Variants in LOC128706666 observed in about 807,000 individuals in gnomAD.
the LOC128706666 span, chr20:10,431,579 A>G: frequency 6.6e-6 from 1 of 151,312 alleles, no homozygotes; most frequent in Non-Finnish European, 1.5e-5. Context: ...AACCCGCACA[A>G]AAAACTGCAT....
the LOC128706666 span, among the ~76,000 whole-genome samples, chr20:10,433,217 G>C: frequency 6.6e-6 from 1 of 152,222 alleles, no homozygotes; most frequent in East Asian, 1.9e-4. Context: ...CGTTGGCCTG[G>C]CTGGCCCCAA....
the LOC128706666 span, among the ~76,000 whole-genome samples, chr20:10,417,700 A>G: frequency 1.1e-4 from 17 of 152,306 alleles, 1 homozygote; most frequent in African/African-American, 4.1e-4. Flanking sequence ...TCATCATCAA[A>G]AGTGGATCAG....
chr20:10,427,029 G>GACACACACACAGTCACAC, the LOC128706666 span, among the ~76,000 whole-genome samples: 1 of 130,724 alleles, frequency 7.6e-6, no homozygotes, highest in Non-Finnish European at 1.6e-5. Context: ...AGAAAACACT[G>GACACACACACAGTCACAC]ACACACACAC....
the LOC128706666 span, among the ~76,000 whole-genome samples, chr20:10,419,920 A>G: frequency 6.6e-6 from 1 of 152,234 alleles, no homozygotes; most frequent in Admixed American, 6.5e-5. Context: ...CAGAAAGCCA[A>G]ACTGCGGATA....
At chr20:10,421,935 C>T in the LOC128706666 span, among the ~76,000 whole-genome samples, 24 of 152,180 alleles carry the variant, frequency 1.6e-4, no homozygotes, top group African/African-American at 5.5e-4. Context: ...ATGAGACATG[C>T]TATGAACTTG....
chr20:10,421,786 A>G, the LOC128706666 span, among the ~76,000 whole-genome samples: 200 of 151,412 alleles, frequency 1.3e-3, no homozygotes, highest in African/African-American at 4.6e-3. Context: ...AAATATATAT[A>G]TATATATTTT....
At chr20:10,426,673 C>G in the LOC128706666 span, among the ~76,000 whole-genome samples, 1 of 152,224 alleles carries the variant, frequency 6.6e-6, no homozygotes, top group Non-Finnish European at 1.5e-5. Flanking sequence ...GCTGGGATTA[C>G]AGGCATGAGC....
At chr20:10,428,391 A>G in the LOC128706666 span, among the ~76,000 whole-genome samples, 1 of 152,212 alleles carries the variant, frequency 6.6e-6, no homozygotes, top group African/African-American at 2.4e-5. Flanking sequence ...GAATCCCTAA[A>G]GAGCCCATTT....
At chr20:10,428,887 G>A in the LOC128706666 span, among the ~76,000 whole-genome samples, 4 of 152,070 alleles carry the variant, frequency 2.6e-5, no homozygotes, top group Non-Finnish European at 4.4e-5. Context: ...GCTGTCAGAA[G>A]AACTGGTATT....
At chr20:10,427,889 G>C in the LOC128706666 span, among the ~76,000 whole-genome samples, 3 of 152,146 alleles carry the variant, frequency 2.0e-5, no homozygotes, top group East Asian at 5.8e-4. Context: ...AACCATTCAA[G>C]GTCAGCTTGA....
the LOC128706666 span, chr20:10,413,993 T>C: frequency 2.5e-6 from 1 of 396,838 alleles, no homozygotes; most frequent in Middle Eastern, 6.4e-4. Flanking sequence ...TAGACTGCAG[T>C]TTAATAATTT....
chr20:10,431,146 C>T, the LOC128706666 span, among the ~76,000 whole-genome samples: 2 of 152,088 alleles, frequency 1.3e-5, no homozygotes, highest in Non-Finnish European at 2.9e-5. Context: ...AGTATATTAT[C>T]TTATACGAAT....
At chr20:10,424,226 T>C in the LOC128706666 span, among the ~76,000 whole-genome samples, 13 of 151,986 alleles carry the variant, frequency 8.6e-5, no homozygotes, top group African/African-American at 3.1e-4. Context: ...AGACCTCATC[T>C]CTATTTTAAA....
chr20:10,415,221 C>T, the LOC128706666 span, among the ~76,000 whole-genome samples: 4 of 152,024 alleles, frequency 2.6e-5, no homozygotes, highest in East Asian at 1.9e-4. Context: ...GTATATTATT[C>T]GTTAGTATTT....
the LOC128706666 span, among the ~76,000 whole-genome samples, chr20:10,427,028 T>TCACACACACACA: frequency 1.6e-5 from 1 of 61,434 alleles, no homozygotes. Context: ...AAGAAAACAC[T>TCACACACACACA]GACACACACA....
the LOC128706666 span, among the ~76,000 whole-genome samples, chr20:10,419,016 A>G: frequency 6.6e-6 from 1 of 152,166 alleles, no homozygotes; most frequent in Non-Finnish European, 1.5e-5. Flanking sequence ...ATATTAAGCT[A>G]TGCTCTTCCA....
the LOC128706666 span, among the ~76,000 whole-genome samples, chr20:10,418,071 T>C: frequency 2.0e-5 from 3 of 152,204 alleles, no homozygotes; most frequent in South Asian, 6.2e-4. Flanking sequence ...GGGTATCAAA[T>C]TGTAGGTAAA....
At chr20:10,425,880 TA>T in the LOC128706666 span, among the ~76,000 whole-genome samples, 1 of 152,240 alleles carries the variant, frequency 6.6e-6, no homozygotes, top group African/African-American at 2.4e-5. Context: ...AACATATTTC[TA>T]AAAAAAGACT....
chr20:10,426,274 C>G, the LOC128706666 span, among the ~76,000 whole-genome samples: 3 of 152,206 alleles, frequency 2.0e-5, no homozygotes, highest in African/African-American at 7.2e-5. Flanking sequence ...AGAATTAGTG[C>G]CCCAGCTTGG....
Sources: allele counts gnomAD v4.1 joint callset (sites outside exome capture counted in the v4.1 genomes callset), GRCh38; gene constraint gnomAD v4.1.1; transcripts MANE v1.5.